The following LIN54 variants were observed in gnomAD, a reference collection of about 807,000 sequenced individuals.
LIN54 encodes the protein lin-54 DREAM MuvB core complex component.
LIN54 carries 9 observed loss-of-function variants against 78.7 expected under a neutral mutation model. The observed-to-expected ratio is 0.11, with a 90% CI of 0.07 to 0.20. The LOEUF is 0.20. Among genes scored for constraint, LIN54 ranks in the 10% least tolerant of loss-of-function variants. The pLI is 1.00. For synonymous variants in LIN54, 269 were observed against 318.4 expected, an observed-to-expected ratio of 0.84 and a Z score of 1.65; for missense variants, 573 against 889.9, an observed-to-expected ratio of 0.64 and a Z score of 4.53.
At chr4:83,004,398 CAAAAAAA>C (rs34722830) in intron 1 of LIN54, among the ~76,000 whole-genome samples, 10 of 100,940 alleles carry the variant, frequency 9.9e-5, no homozygotes, top group African/African-American at 3.1e-4. Flanking sequence ...GACTCCGTTG[CAAAAAAA>C]AAAAAAAAAA....
chr4:82,999,364 G>C (rs891519865), intron 1 of LIN54, among the ~76,000 whole-genome samples: 9 of 152,136 alleles, frequency 5.9e-5, no homozygotes, highest in African/African-American at 2.2e-4. Flanking sequence ...CCAGCGTAAA[G>C]ACCATTATAA....
intron 6 of LIN54, 41 bp from the exon 7 acceptor site, chr4:82,939,777 T>G (rs1409788298): frequency 6.2e-7 from 1 of 1,606,970 alleles, no homozygotes. Flanking sequence ...CAAAATAAAT[T>G]TTACAGCTGT....
chr4:83,004,041 A>G (rs1729083010), intron 1 of LIN54, among the ~76,000 whole-genome samples: 1 of 152,344 alleles, frequency 6.6e-6, no homozygotes, highest in Non-Finnish European at 1.5e-5. Context: ...TAAGAAAGAA[A>G]GACTTGCAGC....
In LIN54 at chr4:82,944,543, A is replaced by G. The variant is rs1723197258; in HGVS notation, c.1168+1715T>C. 2.6e-5 allele frequency among the ~76,000 whole-genome samples: 4 copies of G among 152,198 alleles called. No individual in the cohort carries two copies. The South Asian group carries it at 8.3e-4, about 32-fold the overall frequency. ...ATGATTTTATTCCAAAATCTTTTCT[A>G]AAAAGAATTAGAAAATATAACTGCT... On this transcript the variant is annotated intron_variant, in intron 5 of 12. Transcript: ENST00000340417.
chr4:82,932,465 C>T (rs1443427317), intron 11 of LIN54, among the ~76,000 whole-genome samples: 1 of 151,630 alleles, frequency 6.6e-6, no homozygotes, highest in African/African-American at 2.4e-5. Flanking sequence ...CACATCTCAT[C>T]AGCAATGTGT....
intron 5 of LIN54, among the ~76,000 whole-genome samples, chr4:82,945,595 G>A (rs1723290392): frequency 1.3e-5 from 2 of 152,150 alleles, no homozygotes; most frequent in South Asian, 2.1e-4. Flanking sequence ...CCAGGTTCGA[G>A]CAATTCTCCA....
In LIN54 at chr4:82,928,219, C is replaced by T. The variant is rs764558456; in HGVS notation, c.2133G>A (p.Lys711=). The stretch of plus-strand genomic sequence containing the variant: ...GTTCCGCTGCTGCCTTTGATTTTCC[C>T]TTCTTGTCTGCCTGCTCTGCCTGGG... The part of the protein sequence containing the change: ...LLAQAEQADK[K]GKSKAAAERM... The change falls in exon 13 of 13, where the codon AAG becomes AAA. Residue 711 remains lysine (K), a synonymous_variant. Transcript: ENST00000340417. The T allele has an allele frequency of 3.6e-5, 58 of 1,614,126 alleles. No individual in the cohort carries two copies. The highest frequency in any genetic ancestry group is 4.6e-5 in the Non-Finnish European group (54 of 1,180,048).
intron 3 of LIN54, among the ~76,000 whole-genome samples, chr4:82,971,095 A>G (rs928244502): frequency 1.3e-5 from 2 of 152,190 alleles, no homozygotes; most frequent in Admixed American, 6.5e-5. Context: ...ACTGAAAACC[A>G]TATTACATTG....
intron 1 of LIN54, among the ~76,000 whole-genome samples, chr4:83,001,116 C>A (rs1263705281): frequency 6.6e-6 from 1 of 151,974 alleles, no homozygotes; most frequent in Non-Finnish European, 1.5e-5. Flanking sequence ...CCAAGCCCAG[C>A]CCAAAAGCAA....
chr4:83,003,121 C>G (rs1427979815), intron 1 of LIN54, among the ~76,000 whole-genome samples: 1 of 152,118 alleles, frequency 6.6e-6, no homozygotes, highest in Non-Finnish European at 1.5e-5. Flanking sequence ...TCAAGTGATT[C>G]TCCCGCCTCA....
At chr4:82,981,222 G>C (rs1726604936) in intron 2 of LIN54, among the ~76,000 whole-genome samples, 1 of 152,192 alleles carries the variant, frequency 6.6e-6, no homozygotes, top group Admixed American at 6.5e-5. Flanking sequence ...GTGTTGGATA[G>C]ATTCAGGAGC....
intron 4 of LIN54, among the ~76,000 whole-genome samples, chr4:82,953,134 A>C (rs1241261640): frequency 6.6e-6 from 1 of 152,116 alleles, no homozygotes; most frequent in Non-Finnish European, 1.5e-5. Flanking sequence ...GCCTACAGGC[A>C]TGCATCACTA....
chr4:83,007,118 C>A (rs1446027010), intron 1 of LIN54, among the ~76,000 whole-genome samples: 2 of 151,706 alleles, frequency 1.3e-5, no homozygotes, highest in Admixed American at 6.6e-5. Flanking sequence ...CCAGCCTGGG[C>A]AACAGAGTGA....
chr4:82,942,346 A>G (rs895054210), intron 5 of LIN54, among the ~76,000 whole-genome samples: 22 of 152,146 alleles, frequency 1.4e-4, no homozygotes, highest in African/African-American at 4.8e-4. Context: ...AATTTTGTGA[A>G]TATACTAAAA....
At chr4:82,982,512 G>A (rs1726763573) in intron 2 of LIN54, among the ~76,000 whole-genome samples, 1 of 152,146 alleles carries the variant, frequency 6.6e-6, no homozygotes, top group South Asian at 2.1e-4. Flanking sequence ...TTACAGGTTC[G>A]TGAGCCACCA....
intron 5 of LIN54, among the ~76,000 whole-genome samples, chr4:82,944,009 C>T (rs1723157329): frequency 6.6e-6 from 1 of 151,872 alleles, no homozygotes; most frequent in South Asian, 2.1e-4. Flanking sequence ...GCTGGGATTA[C>T]AGGTGTGCAC....
Position 82,957,728 on chromosome 4 carries a change from A to G in LIN54, c.952-11254T>C, listed in dbSNP as rs113263959. 5.2e-3 allele frequency among the ~76,000 whole-genome samples: 786 copies of G among 152,276 alleles called. 1 individual carries two copies. Among genetic ancestry groups the G allele is most frequent in the Non-Finnish European group, 8.8e-3 (601 of 68,016 alleles). On this transcript the variant is annotated intron_variant, in intron 4 of 12. Coordinates refer to ENST00000340417, the MANE Select transcript of LIN54 (RefSeq NM_194282.4). ...ATCCCCTTAGGTAGGATCTCATGAC[A>G]TAATTTATCTTTCTTTTCTTGGTTT...
At position 82,981,470 on chromosome 4, in the gene LIN54, A is replaced by C. The variant is rs1240919250; in HGVS notation, c.685-2464T>G. Among the ~76,000 whole-genome samples the C allele has an allele frequency of 2.0e-5, 3 of 152,272 alleles. No homozygotes were observed. In the East Asian group the frequency reaches 5.8e-4, roughly 29 times the overall value. On this transcript the variant is annotated intron_variant, in intron 2 of 12. Transcript: ENST00000340417. Reference sequence around the variant, plus strand: ...TACTCTGACTAAACTTAACACTGACAACTACCTAGGGGGAAAAAAACCAGA... The same window carrying C: ...TACTCTGACTAAACTTAACACTGACCACTACCTAGGGGGAAAAAAACCAGA...
At chr4:82,986,426 TA>T (rs1339921609) in intron 1 of LIN54, among the ~76,000 whole-genome samples, 1 of 152,022 alleles carries the variant, frequency 6.6e-6, no homozygotes, top group Non-Finnish European at 1.5e-5. Context: ...CCCCTTTTTT[TA>T]AATATAAAAA....
Sources: gnomAD v4.1 joint callset for allele counts (sites outside exome capture counted in the v4.1 genomes callset) on GRCh38, gnomAD v4.1.1 for gene constraint, MANE v1.5 for transcripts, NCBI Gene and HGNC (gene_info 2026-07-23, HGNC 2026-07-21) for gene names.